The following SEPTIN11 variants were observed in gnomAD, a reference collection of about 807,000 sequenced individuals.
SEPTIN11 encodes septin-11.
A neutral mutation model predicts 51.4 loss-of-function variants in SEPTIN11; 25 were observed. The observed-to-expected ratio is 0.49, with a 90% CI of 0.35 to 0.68. SEPTIN11 has a LOEUF of 0.68. SEPTIN11 is among the 30% of genes least tolerant of loss of function. The pLI is 0.00. For synonymous variants in SEPTIN11, 174 were observed against 184.1 expected, an observed-to-expected ratio of 0.95 and a Z score of 0.44; for missense variants, 381 against 520.8, an observed-to-expected ratio of 0.73 and a Z score of 2.61.
chr4:76,951,089 A>G (rs1721318743), intron 1 of SEPTIN11, among the ~76,000 whole-genome samples: 1 of 152,120 alleles, frequency 6.6e-6, no homozygotes, highest in South Asian at 2.1e-4. Flanking sequence ...TTACTGAGAT[A>G]CTGGAAGCTC....
chr4:76,994,786 TG>T (rs1466112515), intron 1 of SEPTIN11, among the ~76,000 whole-genome samples: 2 of 151,768 alleles, frequency 1.3e-5, no homozygotes, highest in Non-Finnish European at 2.9e-5. Flanking sequence ...ACATTTGAAA[TG>T]GGGTCTTAGT....
At chr4:76,972,152 A>G (rs1169434948) in intron 1 of SEPTIN11, among the ~76,000 whole-genome samples, 3 of 152,130 alleles carry the variant, frequency 2.0e-5, no homozygotes, top group Admixed American at 6.5e-5. Context: ...TGCCCTGCCA[A>G]TTGGGCTATT....
At chr4:77,022,993 C>T (rs1317679585) in intron 7 of SEPTIN11, among the ~76,000 whole-genome samples, 1 of 152,116 alleles carries the variant, frequency 6.6e-6, no homozygotes, top group African/African-American at 2.4e-5. Flanking sequence ...GTCTGTGTGG[C>T]CAGCATTTTA....
chr4:77,012,725 A>G (rs984839950), intron 4 of SEPTIN11, among the ~76,000 whole-genome samples: 7 of 152,244 alleles, frequency 4.6e-5, no homozygotes, highest in Non-Finnish European at 1.0e-4. Context: ...CCAGAGGGAC[A>G]AAACAGTGAG....
chr4:77,019,365 CT>C (rs1474804564), intron 6 of SEPTIN11, 104 bp downstream of exon 6: 5 of 929,094 alleles, frequency 5.4e-6, no homozygotes, highest in Non-Finnish European at 7.9e-6. Flanking sequence ...CAACAGTGGG[CT>C]GGCAGTGGGA....
intron 8 of SEPTIN11, 87 bp from the exon 9 acceptor site, chr4:77,030,696 T>C (rs984672054): frequency 7.9e-7 from 1 of 1,266,188 alleles, no homozygotes; most frequent in African/African-American, 1.5e-5. Flanking sequence ...TGCCTGGCCA[T>C]GTTTTGTTTT....
At position 77,036,837 on chromosome 4, in the gene SEPTIN11, T is replaced by C; in HGVS notation, c.*2325T>C. On this transcript the variant is annotated 3_prime_UTR_variant, in exon 10 of 10. Transcript: ENST00000264893. ...AATTGGATGTGCTTTCGCCTTTGCA[T>C]GTAAGTACGGTAGTAAGAAACCTTT... 6.6e-7 allele frequency: 1 copy of C among 1,520,556 alleles called. No individual in the cohort carries two copies. Among genetic ancestry groups the C allele is most frequent in the South Asian group, 1.2e-5 (1 of 80,672 alleles). 94.2% of individuals were successfully genotyped at this position (1,520,556 alleles called of 1,614,324 possible). A position where few individuals can be genotyped will look rare whatever the true frequency, so the allele number is the denominator to read the frequency against.
chr4:77,005,606 A>G lies in SEPTIN11; in HGVS notation c.148A>G (p.Thr50Ala). Residue 50 changes from threonine to alanine, a missense_variant, in exon 3 of 10, where the codon ACA (threonine) becomes GCA (alanine). Transcript: ENST00000264893. ...TTTCTTTTGTGGTTATGTAGGTGAG[A>G]CAGGCATTGGCAAATCCACGTTAAT... ...FCFNILCVGE[T>A]GIGKSTLMDT... 1 of 1,612,924 alleles carries G rather than the reference A, an allele frequency of 6.2e-7. No individual in the cohort carries two copies. The highest frequency in any genetic ancestry group is 8.5e-7 in the Non-Finnish European group (1 of 1,179,276).
At chr4:76,952,986 T>C (rs986527707) in intron 1 of SEPTIN11, among the ~76,000 whole-genome samples, 1 of 152,212 alleles carries the variant, frequency 6.6e-6, no homozygotes, top group East Asian at 1.9e-4. Flanking sequence ...TTAAAAACTC[T>C]AGGAGTTGAA....
chr4:77,003,536 G>A (rs919842670), intron 2 of SEPTIN11, among the ~76,000 whole-genome samples: 2 of 152,164 alleles, frequency 1.3e-5, no homozygotes, highest in Non-Finnish European at 2.9e-5. Context: ...AATGATGGTT[G>A]ACTAAAGAGG....
chr4:77,036,526 C>T lies in SEPTIN11; in HGVS notation c.*2014C>T. 7.2e-7 allele frequency: 1 copy of T among 1,385,388 alleles called. No homozygotes were observed. Among genetic ancestry groups the T allele is most frequent in the Non-Finnish European group, 9.3e-7 (1 of 1,074,964 alleles). 85.8% of individuals were successfully genotyped at this position (1,385,388 alleles called of 1,614,324 possible). On this transcript the variant is annotated 3_prime_UTR_variant, in exon 10 of 10. Transcript: ENST00000264893. ...TTAAAATGAGCATAACAACGAAAGG[C>T]ATCCAGCTGACTTTTTGATTCCAAG...
chr4:77,027,643 G>T (rs757675517), intron 7 of SEPTIN11, among the ~76,000 whole-genome samples: 2 of 152,202 alleles, frequency 1.3e-5, no homozygotes, highest in African/African-American at 4.8e-5. Flanking sequence ...TAGTCCATGG[G>T]AAAGGCAGAT....
At chr4:77,011,687 C>T (rs766278047) in intron 3 of SEPTIN11, 48 bp from the exon 4 acceptor site, 2 of 1,549,032 alleles carry the variant, frequency 1.3e-6, no homozygotes, top group Non-Finnish European at 8.9e-7. Context: ...GGAGGATTGT[C>T]CTGTGAAAGA....
chr4:76,987,095 A>G (rs1723070505), intron 1 of SEPTIN11, among the ~76,000 whole-genome samples: 1 of 151,992 alleles, frequency 6.6e-6, no homozygotes, highest in African/African-American at 2.4e-5. Context: ...TGGTTATATG[A>G]TATGTTTTCC....
intron 1 of SEPTIN11, among the ~76,000 whole-genome samples, chr4:76,951,311 A>G (rs576202081): frequency 2.0e-5 from 3 of 152,250 alleles, no homozygotes; most frequent in African/African-American, 7.2e-5. Context: ...CAGCGGTCAT[A>G]TCGAATCATG....
chr4:76,971,103 G>A (rs1176435876), intron 1 of SEPTIN11, among the ~76,000 whole-genome samples: 2 of 152,268 alleles, frequency 1.3e-5, no homozygotes, highest in African/African-American at 4.8e-5. Context: ...ATACATAAAT[G>A]TCTAGCAGAA....
chr4:76,956,996 G>GTGTGTGTGTGTGTT (rs1560691551), intron 1 of SEPTIN11, among the ~76,000 whole-genome samples: 1 of 74,860 alleles, frequency 1.3e-5, no homozygotes, highest in African/African-American at 4.1e-5. Flanking sequence ...GTGTGTGTGA[G>GTGTGTGTGTGTGTT]AGAGAGAGAG....
chr4:76,955,498 G>A (rs1436571909), intron 1 of SEPTIN11, among the ~76,000 whole-genome samples: 1 of 152,202 alleles, frequency 6.6e-6, no homozygotes. Flanking sequence ...AGAGGCTGAG[G>A]AGGTGGGAAG....
Position 77,030,904 on chromosome 4 carries a change from A to G in SEPTIN11, c.1208A>G (p.Gln403Arg), listed in dbSNP as rs1726577074. The change falls in exon 9 of 10, where the codon CAG becomes CGG. Residue 403 changes from glutamine to arginine, a missense_variant. Transcript: ENST00000264893. ...NNFQKKKAAA[Q>R]LLQSQAQQSG... ...TTCCAGAAGAAGAAAGCAGCGGCTC[A>G]GTTACTACAGTCCCAGGCCCAGCAA... 1 of 1,613,588 alleles carries G rather than the reference A, an allele frequency of 6.2e-7. No homozygotes were observed. Among genetic ancestry groups the G allele is most frequent in the Non-Finnish European group, 8.5e-7 (1 of 1,179,912 alleles).
Sources: allele counts gnomAD v4.1 joint callset (sites outside exome capture counted in the v4.1 genomes callset), GRCh38; gene constraint gnomAD v4.1.1; transcripts MANE v1.5; gene names NCBI Gene and HGNC (gene_info 2026-07-23, HGNC 2026-07-21).